The following LDAH variants were observed in gnomAD, a reference collection of about 807,000 sequenced individuals.
LDAH encodes lipid droplet-associated hydrolase.
In LDAH, 26 loss-of-function variants were observed where a neutral mutation model predicts 29.6. The observed-to-expected ratio is 0.88, with a 90% confidence interval of 0.64 to 1.22. LDAH has a LOEUF of 1.22. LDAH is among the 50% of genes most tolerant of loss of function. The pLI is 0.00. For missense variants in LDAH, 344 were observed against 387.3 expected, an observed-to-expected ratio of 0.89 and a Z score of 0.94; for synonymous variants, 117 against 133.0, an observed-to-expected ratio of 0.88 and a Z score of 0.83.
intron 5 of LDAH, among the ~76,000 whole-genome samples, chr2:20,721,059 GTCT>G (rs1665613835): frequency 6.6e-6 from 1 of 152,098 alleles, no homozygotes; most frequent in Admixed American, 6.6e-5. Flanking sequence ...CAGGACATTG[GTCT>G]GGGGAAAGAT....
intron 1 of LDAH, among the ~76,000 whole-genome samples, chr2:20,806,885 A>G (rs1460325065): frequency 1.3e-5 from 2 of 151,784 alleles, no homozygotes; most frequent in Non-Finnish European, 2.9e-5. Context: ...AATTAGAAAA[A>G]AAATAAATGA....
At chr2:20,720,954 T>G (rs1216916669) in intron 5 of LDAH, among the ~76,000 whole-genome samples, 1 of 152,126 alleles carries the variant, frequency 6.6e-6, no homozygotes, top group African/African-American at 2.4e-5. Flanking sequence ...GCTAGATCGA[T>G]CCTATCTTTT....
At chr2:20,798,865 G>C (rs776852224) in intron 2 of LDAH, among the ~76,000 whole-genome samples, 28 of 152,036 alleles carry the variant, frequency 1.8e-4, no homozygotes, top group Non-Finnish European at 2.9e-4. Flanking sequence ...CTAAGCAACA[G>C]AGAGAGACTC....
At chr2:20,810,819 A>C (rs114874510) in intron 1 of LDAH, among the ~76,000 whole-genome samples, 4,344 of 152,230 alleles carry the variant, frequency 0.029, 202 homozygotes, top group African/African-American at 0.098. Flanking sequence ...GGAGGCATTA[A>C]ATTCTCACAG....
At chr2:20,776,714 T>C (rs529586076) in intron 3 of LDAH, among the ~76,000 whole-genome samples, 159 of 152,306 alleles carry the variant, frequency 1.0e-3, no homozygotes, top group African/African-American at 3.5e-3. Flanking sequence ...TGAAATATTA[T>C]ATTTAGGTTT....
intron 5 of LDAH, among the ~76,000 whole-genome samples, chr2:20,735,799 G>A (rs1206667054): frequency 6.6e-6 from 1 of 152,134 alleles, no homozygotes; most frequent in East Asian, 1.9e-4. Flanking sequence ...GGATGAAGGG[G>A]CTCCTCATAG....
At position 20,716,519 on chromosome 2, in the gene LDAH, T is replaced by C. The variant is rs183588632; in HGVS notation, c.704-14867A>G. On this transcript the variant is annotated intron_variant, in intron 5 of 6. Coordinates refer to ENST00000237822, the MANE Select transcript of LDAH (RefSeq NM_021925.4). ...ACATGTTCTCACTCATAGGTGGGAA[T>C]TGAACAATGAGAACACTTGGACACA... 2.8e-3 allele frequency among the ~76,000 whole-genome samples: 412 copies of C among 148,790 alleles called. 3 individuals carry two copies. Among genetic ancestry groups the C allele is most frequent in the African/African-American group, 9.5e-3 (383 of 40,384 alleles).
chr2:20,733,637 C>G (rs1282168030), intron 5 of LDAH, among the ~76,000 whole-genome samples: 1 of 152,024 alleles, frequency 6.6e-6, no homozygotes, highest in South Asian at 2.1e-4. Flanking sequence ...CTCCTGGACT[C>G]AAGTGATCTG....
intron 5 of LDAH, among the ~76,000 whole-genome samples, chr2:20,704,823 T>C (rs749799119): frequency 4.6e-5 from 7 of 152,234 alleles, no homozygotes; most frequent in Non-Finnish European, 8.8e-5. Flanking sequence ...ACAATGAAAA[T>C]TCTTTCTTCA....
At chr2:20,699,062 C>A (rs1181833680) in intron 6 of LDAH, among the ~76,000 whole-genome samples, 1 of 152,166 alleles carries the variant, frequency 6.6e-6, no homozygotes, top group Non-Finnish European at 1.5e-5. Context: ...TATTTTTAGA[C>A]TAACTTTCCT....
At chr2:20,770,740 T>C (rs1264847887) in intron 4 of LDAH, among the ~76,000 whole-genome samples, 2 of 152,202 alleles carry the variant, frequency 1.3e-5, no homozygotes, top group African/African-American at 4.8e-5. Context: ...CTGTAATAGC[T>C]ATAGGCTCTG....
chr2:20,716,512 G>A (rs1169790506), intron 5 of LDAH, among the ~76,000 whole-genome samples: 5 of 149,326 alleles, frequency 3.3e-5, no homozygotes, highest in African/African-American at 9.8e-5. Flanking sequence ...TCACTCATAG[G>A]TGGGAATTGA....
At chr2:20,715,967 C>T (rs923170939) in intron 5 of LDAH, among the ~76,000 whole-genome samples, 1 of 152,018 alleles carries the variant, frequency 6.6e-6, no homozygotes, top group African/African-American at 2.4e-5. Context: ...CCAACAGACA[C>T]ATGAAAAAAT....
At chr2:20,749,039 G>A (rs1667775665) in intron 4 of LDAH, among the ~76,000 whole-genome samples, 1 of 152,236 alleles carries the variant, frequency 6.6e-6, no homozygotes, top group Middle Eastern at 3.4e-3. Flanking sequence ...TCATTCATTT[G>A]TTCATTTGTT....
chr2:20,733,505 T>C (rs1419553028), intron 5 of LDAH, among the ~76,000 whole-genome samples: 1 of 150,940 alleles, frequency 6.6e-6, no homozygotes, highest in East Asian at 2.0e-4. Context: ...GCTCAAGGGA[T>C]CCTCCTGCCT....
intron 2 of LDAH, among the ~76,000 whole-genome samples, chr2:20,795,948 CA>C (rs1558486983): frequency 1.4e-3 from 17 of 11,794 alleles, no homozygotes; most frequent in South Asian, 4.6e-3. Context: ...AAACCTGCCA[CA>C]CACACACACA....
At chr2:20,737,595 A>G (rs1401962047) in intron 5 of LDAH, among the ~76,000 whole-genome samples, 1 of 152,194 alleles carries the variant, frequency 6.6e-6, no homozygotes, top group Non-Finnish European at 1.5e-5. Flanking sequence ...TTAGTCAACA[A>G]CTGAAAACCA....
intron 4 of LDAH, among the ~76,000 whole-genome samples, chr2:20,749,710 G>C (rs963914136): frequency 6.6e-6 from 1 of 152,218 alleles, no homozygotes; most frequent in African/African-American, 2.4e-5. Context: ...CCATGAGATA[G>C]AGACTAAACC....
intron 3 of LDAH, among the ~76,000 whole-genome samples, chr2:20,776,622 T>A (rs1452900385): frequency 1.3e-5 from 2 of 152,206 alleles, no homozygotes; most frequent in East Asian, 1.9e-4. Context: ...AAGTTCAGCA[T>A]GAAACAGAAT....
Sources: allele counts gnomAD v4.1 joint callset (sites outside exome capture counted in the v4.1 genomes callset), GRCh38; gene constraint gnomAD v4.1.1; transcripts MANE v1.5; gene names NCBI Gene and HGNC (gene_info 2026-07-23, HGNC 2026-07-21).